MTMR3: variants seen among roughly 807,000 people sequenced by gnomAD.
MTMR3 encodes phosphatidylinositol-3,5-bisphosphate 3-phosphatase MTMR3.
MTMR3 carries 32 observed loss-of-function variants against 132.4 expected under a neutral mutation model. That is an observed-to-expected ratio of 0.24 (90% CI 0.18 to 0.32). The LOEUF (loss-of-function observed/expected upper bound fraction) is 0.32, where lower values mean the gene tolerates loss of function less well. Ranked by LOEUF, MTMR3 falls within the 10% of genes least tolerant of loss-of-function variation. The pLI, the probability that MTMR3 is intolerant of heterozygous loss-of-function variation, is 1.00. For missense variants in MTMR3, 1,216 were observed against 1,489.6 expected, an observed-to-expected ratio of 0.82 and a Z score of 3.02; for synonymous variants, 556 against 550.3, an observed-to-expected ratio of 1.01 and a Z score of -0.14.
intron 7 of MTMR3, chr22:29,996,076 ATTGT>A (rs1367345539): frequency 6.6e-6 from 1 of 152,230 alleles, no homozygotes; most frequent in Admixed American, 6.5e-5. Context: ...AGGTGGGAAG[ATTGT>A]TTGAGTTTAG....
At chr22:29,986,287 G>A (rs979927183) in intron 5 of MTMR3, 1 of 152,268 alleles carries the variant, frequency 6.6e-6, no homozygotes, top group African/African-American at 2.4e-5. Flanking sequence ...TAGAACTCAC[G>A]GCTCTTAATT....
rs1240454468 is a variant in MTMR3, at chr22:30,003,370, G to T, written c.671+377G>T. 2 of 157,784 alleles carry T rather than the reference G, an allele frequency of 1.3e-5. 1 individual carries two copies. Among genetic ancestry groups the T allele is most frequent in the South Asian group, 4.0e-4 (2 of 5,006 alleles). The allele number at this position is 157,784 out of a possible 1,614,324, so 9.8% of individuals were successfully genotyped here. A position where few individuals can be genotyped will look rare whatever the true frequency, so the allele number is the denominator to read the frequency against. On this transcript the variant is annotated intron_variant, in intron 9 of 19. Transcript: ENST00000401950. ...AAGTGATCTTTGGGAATATAGGGTC[G>T]AGTTGGCTCTGATTGTCTTTGTGGT...
At chr22:29,912,191 T>A (rs1544432) in intron 1 of MTMR3, among the ~76,000 whole-genome samples, 1 of 152,114 alleles carries the variant, frequency 6.6e-6, no homozygotes, top group Non-Finnish European at 1.5e-5. Context: ...AAGAAAAGTC[T>A]TAATTTGTTT....
intron 1 of MTMR3, among the ~76,000 whole-genome samples, chr22:29,893,945 A>G (rs574240306): frequency 2.0e-5 from 3 of 152,268 alleles, no homozygotes; most frequent in African/African-American, 7.2e-5. Context: ...TCTTGGGTTC[A>G]AGCCATTCTC....
intron 1 of MTMR3, among the ~76,000 whole-genome samples, chr22:29,948,326 G>A (rs917256091): frequency 1.1e-4 from 16 of 152,200 alleles, no homozygotes; most frequent in African/African-American, 3.6e-4. Context: ...TGTGTGGCAG[G>A]CGCCAGAACT....
chr22:29,996,666 T>A (rs1050860155), intron 7 of MTMR3: 4 of 152,204 alleles, frequency 2.6e-5, no homozygotes, highest in Admixed American at 2.6e-4. Flanking sequence ...GTTTTGCAGC[T>A]TTTAGATTGG....
intron 1 of MTMR3, among the ~76,000 whole-genome samples, chr22:29,931,127 G>T (rs947129212): frequency 1.3e-5 from 2 of 151,292 alleles, no homozygotes; most frequent in African/African-American, 4.8e-5. Context: ...GCAACTTTAT[G>T]TCACTATTTA....
At chr22:29,983,996 T>C (rs1437951295) in intron 5 of MTMR3, 1 of 151,728 alleles carries the variant, frequency 6.6e-6, no homozygotes, top group Non-Finnish European at 1.5e-5. Flanking sequence ...TATGTTATGT[T>C]ATTGTAGTGA....
intron 17 of MTMR3, 182 bp downstream of exon 17, chr22:30,021,066 T>C: frequency 1.5e-6 from 1 of 652,304 alleles, no homozygotes; most frequent in Non-Finnish European, 2.6e-6. Flanking sequence ...GCCTGCCTGT[T>C]TTCTGCTTCG....
At position 30,007,101 on chromosome 22, in the gene MTMR3, G is replaced by A; in HGVS notation, c.672-13G>A. ...TGAATGGGTACAGTTGTTGTCTCTT[G>A]TTCCTCACACAGGCACCAGAGCAAT... On this transcript the variant is annotated splice_polypyrimidine_tract_variant and intron_variant, in intron 9 of 19. Transcript: ENST00000401950. The A allele has an allele frequency of 1.2e-6, 2 of 1,613,002 alleles. No individual in the cohort carries two copies. The highest frequency in any genetic ancestry group is 1.7e-6 in the Non-Finnish European group (2 of 1,179,824).
intron 2 of MTMR3, among the ~76,000 whole-genome samples, chr22:29,968,424 T>A (rs1224713218): frequency 6.6e-6 from 1 of 152,252 alleles, no homozygotes; most frequent in Non-Finnish European, 1.5e-5. Flanking sequence ...GACAGTTTTT[T>A]AAAAGTAATT....
chr22:29,925,558 TA>T (rs528978801), intron 1 of MTMR3, among the ~76,000 whole-genome samples: 12,055 of 142,760 alleles, frequency 0.084, 813 homozygotes, highest in South Asian at 0.27. Context: ...TTGTTTTCTT[TA>T]AAAAAAAAAA....
intron 1 of MTMR3, among the ~76,000 whole-genome samples, chr22:29,905,320 A>G (rs2065074280): frequency 1.3e-5 from 2 of 152,206 alleles, no homozygotes; most frequent in African/African-American, 4.8e-5. Context: ...ACATTTGGTT[A>G]AAAGAAATCC....
In MTMR3 at chr22:30,020,252, A is replaced by C. The variant is rs533439692; in HGVS notation, c.2593A>C (p.Arg865=). 6.2e-7 allele frequency: 1 copy of C among 1,614,234 alleles called. No individual in the cohort carries two copies. Among genetic ancestry groups the C allele is most frequent in the Non-Finnish European group, 8.5e-7 (1 of 1,180,040 alleles). Residue 865 remains arginine (R), a synonymous_variant, in exon 17 of 20, where the codon AGA becomes CGA. Coordinates refer to ENST00000401950, the MANE Select transcript of MTMR3 (RefSeq NM_021090.4). ...KSVSGPQGHH[R]SCLVNSGKDR... ...AGTAAGTGGGCCCCAAGGTCATCATAGATCTTGCCTTGTAAATAGTGGCAA... is the reference window on the plus strand; with the variant it reads ...AGTAAGTGGGCCCCAAGGTCATCATCGATCTTGCCTTGTAAATAGTGGCAA...
At chr22:29,965,656 G>C (rs1336760078) in intron 2 of MTMR3, among the ~76,000 whole-genome samples, 1 of 152,344 alleles carries the variant, frequency 6.6e-6, no homozygotes, top group South Asian at 2.1e-4. Context: ...CTGCACTCCA[G>C]CCTGAGCGAT....
intron 18 of MTMR3, 41 bp from the exon 19 acceptor site, chr22:30,022,568 G>A: frequency 6.4e-7 from 1 of 1,557,866 alleles, no homozygotes; most frequent in Non-Finnish European, 8.8e-7. Flanking sequence ...CAGCTGGATG[G>A]CCCATCTCCT....
At chr22:29,966,192 A>G (rs1385998775) in intron 2 of MTMR3, among the ~76,000 whole-genome samples, 1 of 152,172 alleles carries the variant, frequency 6.6e-6, no homozygotes, top group Non-Finnish European at 1.5e-5. Context: ...TTTATAGTTA[A>G]AAGATAAATT....
Position 30,026,758 on chromosome 22 carries a change from TC to T in MTMR3, c.*962del. On this transcript the variant is annotated 3_prime_UTR_variant, in exon 20 of 20. Transcript: ENST00000401950. ...AAATCCAGACTCAGGGTTCCAGAAA[TC>T]CCCCGTTCCCAAACCAAACCAATCA... 1 of 152,906 alleles carries T rather than the reference TC, an allele frequency of 6.5e-6. No individual in the cohort carries two copies. Among genetic ancestry groups the T allele is most frequent in the Non-Finnish European group, 1.5e-5 (1 of 68,084 alleles). The allele number at this position is 152,906 out of a possible 1,614,324, so 9.5% of individuals were successfully genotyped here. A position where few individuals can be genotyped will look rare whatever the true frequency, so the allele number is the denominator to read the frequency against.
In MTMR3 at chr22:30,030,647, G is replaced by GGGGGTGGT. The variant is rs749927557; in HGVS notation, c.*4847_*4848insGGGTGGTG. Reference sequence around the variant, plus strand: ...CTCAGCGAGGAGGGGGCGGGGGGGGGGTCACTATTTATCTTCCAGAGGCAG... The same window carrying GGGGGTGGT: ...CTCAGCGAGGAGGGGGCGGGGGGGGGGGGGTGGTGTCACTATTTATCTTCCAGAGGCAG... On this transcript the variant is annotated 3_prime_UTR_variant, in exon 20 of 20. Coordinates refer to ENST00000401950, the MANE Select transcript of MTMR3 (RefSeq NM_021090.4). 1.3e-5 allele frequency: 1 copy of GGGGGTGGT among 76,360 alleles called. No individual in the cohort carries two copies. Among genetic ancestry groups the GGGGGTGGT allele is most frequent in the Non-Finnish European group, 2.6e-5 (1 of 38,518 alleles). 4.7% of individuals were successfully genotyped at this position (76,360 alleles called of 1,614,324 possible). A position where few individuals can be genotyped will look rare whatever the true frequency, so the allele number is the denominator to read the frequency against.
Sources: gnomAD v4.1 joint callset for allele counts (sites outside exome capture counted in the v4.1 genomes callset) on GRCh38, gnomAD v4.1.1 for gene constraint, MANE v1.5 for transcripts, NCBI Gene and HGNC (gene_info 2026-07-23, HGNC 2026-07-21) for gene names.